ZNF726: variants seen among roughly 807,000 people sequenced by gnomAD.
ZNF726 encodes the protein zinc finger protein 92 pseudogene 3.
A neutral mutation model predicts 11.6 loss-of-function variants in ZNF726; 15 were observed. The ratio of observed to expected loss-of-function variants is 1.29; its 90% confidence interval spans 0.86 to 1.99. ZNF726 has a LOEUF of 1.99. Ranked by LOEUF, ZNF726 falls within the 30% of genes most tolerant of loss-of-function variation. The probability of loss-of-function intolerance (pLI) is 0.00; values close to 1 mark genes in which losing one functional copy is unlikely to be tolerated. For missense variants in ZNF726, 890 were observed against 725.6 expected, an observed-to-expected ratio of 1.23 and a Z score of -2.60; for synonymous variants, 295 against 243.6, an observed-to-expected ratio of 1.21 and a Z score of -1.96.
chr19:23,927,055 G>A (rs1968004732), intron 3 of ZNF726, among the ~76,000 whole-genome samples: 2 of 152,136 alleles, frequency 1.3e-5, no homozygotes, highest in South Asian at 4.1e-4. Flanking sequence ...TCGGCTCACT[G>A]CAACCTCTGC....
At chr19:23,935,466 T>C, downstream of ZNF726, 1 of 504,848 alleles carries the variant, frequency 2.0e-6, no homozygotes, top group Non-Finnish European at 4.0e-6. Flanking sequence ...ATCTTACAAG[T>C]GTGAATAATA....
intron 2 of ZNF726, 104 bp from the exon 3 acceptor site, chr19:23,919,883 A>C: frequency 1.6e-6 from 1 of 636,756 alleles, no homozygotes; most frequent in Non-Finnish European, 2.4e-6. Context: ...ATATGGGATA[A>C]ATTTATTAGA....
chr19:23,941,557 C>G (rs1968339217), intron 3 of ZNF726, among the ~76,000 whole-genome samples: 1 of 151,978 alleles, frequency 6.6e-6, no homozygotes, highest in South Asian at 2.1e-4. Flanking sequence ...GTATTGGTAC[C>G]AATTCTTTGA....
chr19:23,933,039 T>G lies in ZNF726; in HGVS notation c.923T>G (p.Ile308Ser). 1.2e-6 allele frequency: 2 copies of G among 1,607,502 alleles called. No individual in the cohort carries two copies. The highest frequency in any genetic ancestry group is 2.2e-5 in the South Asian group (2 of 90,614). ...SALTIHKRMH[I>S]GEKPYKCEEC... Reference sequence around the variant, plus strand: ...CTAACCATACATAAGAGGATGCACATTGGAGAGAAACCCTACAAATGTGAA... The same window carrying G: ...CTAACCATACATAAGAGGATGCACAGTGGAGAGAAACCCTACAAATGTGAA... Residue 308 changes from isoleucine to serine, a missense_variant, in exon 4 of 4, where the codon ATT becomes AGT. Coordinates refer to ENST00000594466, the MANE Select transcript of ZNF726 (RefSeq NM_001244038.2).
chr19:23,932,885 T>C lies in ZNF726; in HGVS notation c.769T>C (p.Tyr257His), dbSNP rs1391375255. The C allele has an allele frequency of 5.0e-6, 8 of 1,609,598 alleles. No individual in the cohort carries two copies. The highest frequency in any genetic ancestry group is 2.2e-5 in the East Asian group (1 of 44,786). Reference protein sequence around the residue: ...HKVTHTGEKPYKCEECGKAFS... With the variant: ...HKVTHTGEKPHKCEECGKAFS... ...GGTAACTCATACTGGAGAGAAGCCT[T>C]ACAAGTGTGAAGAATGTGGCAAAGC... Residue 257 changes from tyrosine (Y) to histidine (H), a missense_variant, in exon 4 of 4, where the codon TAC becomes CAC. By Grantham distance (83) the Tyr-to-His change is moderately conservative. Transcript: ENST00000594466.
intron 3 of ZNF726, among the ~76,000 whole-genome samples, chr19:23,941,437 T>C (rs778455867): frequency 6.6e-6 from 1 of 152,092 alleles, no homozygotes; most frequent in Non-Finnish European, 1.5e-5. Flanking sequence ...AATCTGTAGT[T>C]TTCTTTTCTG....
At chr19:23,924,819 G>C (rs1599459098) in intron 3 of ZNF726, among the ~76,000 whole-genome samples, 1 of 152,046 alleles carries the variant, frequency 6.6e-6, no homozygotes, top group East Asian at 1.9e-4. Context: ...TTGACGCTGG[G>C]AGTGTGAGGC....
Position 23,922,392 on chromosome 19 carries a change from T to C in ZNF726, c.226+2310T>C, listed in dbSNP as rs570435698. Reference sequence around the variant, plus strand: ...AGCTGGAACTGAGTCATGGAACTGCTTCAGGGACCACAGGAAAGGCCAAGG... The same window carrying C: ...AGCTGGAACTGAGTCATGGAACTGCCTCAGGGACCACAGGAAAGGCCAAGG... On this transcript the variant is annotated intron_variant, in intron 3 of 3. Coordinates refer to ENST00000594466, the MANE Select transcript of ZNF726 (RefSeq NM_001244038.2). 1.1e-4 allele frequency among the ~76,000 whole-genome samples: 16 copies of C among 152,318 alleles called. No individual in the cohort carries two copies. In the East Asian group the frequency reaches 3.1e-3, roughly 29 times the overall value.
chr19:23,934,259 C>T lies in ZNF726; in HGVS notation c.*292C>T, dbSNP rs747824594. ...AATGTGGCAAAGCATATGGTCCACA[C>T]CCCTAAGTAGACATAAGAGGATGCA... is the stretch of plus-strand genomic sequence containing the variant. On this transcript the variant is annotated 3_prime_UTR_variant, in exon 4 of 4. Coordinates refer to ENST00000594466, the MANE Select transcript of ZNF726 (RefSeq NM_001244038.2). The T allele has an allele frequency of 6.3e-6, 4 of 630,500 alleles. No homozygotes were observed. Among genetic ancestry groups the T allele is most frequent in the Non-Finnish European group, 1.2e-5 (4 of 326,664 alleles). 39.1% of individuals were successfully genotyped at this position (630,500 alleles called of 1,614,324 possible). A position where few individuals can be genotyped will look rare whatever the true frequency, so the allele number is the denominator to read the frequency against.
At chr19:23,944,066 C>T (rs1243575267) in intron 4 of ZNF726, 1 of 152,186 alleles carries the variant, frequency 6.6e-6, no homozygotes. Flanking sequence ...ATTAGCAATC[C>T]TAACTCAAGT....
In ZNF726 at chr19:23,933,519, T is replaced by G. The variant is rs1299643801; in HGVS notation, c.1403T>G (p.Leu468Arg). ...AAAGCATTTAGCCGATCCTCAGCCCTAACTACACATAAGAGGATGCACACT... is the reference window on the plus strand; with the variant it reads ...AAAGCATTTAGCCGATCCTCAGCCCGAACTACACATAAGAGGATGCACACT... ...CSKAFSRSSA[L>R]TTHKRMHTGE... The change falls in exon 4 of 4, where the codon CTA becomes CGA. Residue 468 changes from leucine to arginine, a missense_variant. Physicochemically the swap from Leu to Arg is moderately radical, Grantham distance 102. Transcript: ENST00000594466. 7.4e-6 allele frequency: 12 copies of G among 1,612,730 alleles called. No individual in the cohort carries two copies. The highest frequency in any genetic ancestry group is 1.7e-4 in the Middle Eastern group (1 of 6,058).
chr19:23,936,122 A>C (rs1482386670), downstream of ZNF726: 1 of 152,220 alleles, frequency 6.6e-6, no homozygotes, highest in East Asian at 1.9e-4. Context: ...CAAAAACTAC[A>C]AATTATGAAA....
At chr19:23,917,362 T>A (rs915218626) in intron 1 of ZNF726, among the ~76,000 whole-genome samples, 6 of 152,212 alleles carry the variant, frequency 3.9e-5, no homozygotes, top group African/African-American at 1.2e-4. Flanking sequence ...TATATTTTAC[T>A]TGTTGAAAAC....
chr19:23,924,724 C>A (rs1019370785), intron 3 of ZNF726, among the ~76,000 whole-genome samples: 4 of 152,008 alleles, frequency 2.6e-5, no homozygotes, highest in Non-Finnish European at 4.4e-5. Context: ...ACCCTCTCTA[C>A]AGATATTTTT....
At chr19:23,943,637 G>A (rs772124204) in intron 4 of ZNF726, 11 of 546,376 alleles carry the variant, frequency 2.0e-5, no homozygotes, top group Middle Eastern at 2.7e-4. Flanking sequence ...AGGTTCAAAG[G>A]TCAAAAAGAA....
chr19:23,943,027 A>T (rs1432277853), intron 3 of ZNF726, among the ~76,000 whole-genome samples: 1 of 151,284 alleles, frequency 6.6e-6, no homozygotes, highest in Non-Finnish European at 1.5e-5. Context: ...TTTTTTGGGG[A>T]GGGAAGGTGA....
intron 3 of ZNF726, among the ~76,000 whole-genome samples, chr19:23,924,531 T>TA (rs927157267): frequency 7.9e-5 from 12 of 152,064 alleles, no homozygotes; most frequent in Admixed American, 3.3e-4. Context: ...TCCAGTTTTT[T>TA]AAAAAATAAT....
downstream of ZNF726, among the ~76,000 whole-genome samples, chr19:23,937,795 G>T (rs1395073618): frequency 6.6e-6 from 1 of 152,216 alleles, no homozygotes; most frequent in Non-Finnish European, 1.5e-5. Flanking sequence ...AAGGCAGGCT[G>T]CTGGGAGGTG....
chr19:23,931,127 T>C (rs954216977), intron 3 of ZNF726, among the ~76,000 whole-genome samples: 26 of 152,144 alleles, frequency 1.7e-4, no homozygotes, highest in African/African-American at 6.3e-4. Flanking sequence ...CCTGCCACCA[T>C]GCCCAGCTAA....
Sources: allele counts gnomAD v4.1 joint callset (sites outside exome capture counted in the v4.1 genomes callset), GRCh38; gene constraint gnomAD v4.1.1; transcripts MANE v1.5; gene names NCBI Gene and HGNC (gene_info 2026-07-23, HGNC 2026-07-21).